Variants in ZFR observed in about 807,000 individuals in gnomAD.
ZFR encodes the protein zinc finger RNA binding protein, also known as zinc finger RNA-binding protein.
ZFR carries 19 observed loss-of-function variants against 130.7 expected under a neutral mutation model. The ratio of observed to expected loss-of-function variants is 0.15; its 90% CI spans 0.10 to 0.21. The LOEUF (loss-of-function observed/expected upper bound fraction) is 0.21, where lower values mean the gene tolerates loss of function less well. Among genes scored for constraint, ZFR ranks in the 10% least tolerant of loss-of-function variants. ZFR has a pLI of 1.00. For missense variants in ZFR, 872 were observed against 1,321.5 expected (o/e 0.66, Z 5.27); for synonymous variants, 466 against 456.9 (o/e 1.02, Z -0.25).
At chr5:32,424,519 C>T (rs1197085899) in intron 2 of ZFR, among the ~76,000 whole-genome samples, 4 of 139,018 alleles carry the variant, frequency 2.9e-5, no homozygotes, top group Non-Finnish European at 6.1e-5. Context: ...GGTGAAAGAG[C>T]GAGACTCCGT....
At chr5:32,429,415 T>C (rs1754153312) in intron 2 of ZFR, among the ~76,000 whole-genome samples, 1 of 152,062 alleles carries the variant, frequency 6.6e-6, no homozygotes, top group Non-Finnish European at 1.5e-5. Context: ...CTGTCTCCAC[T>C]AAAAAATACA....
chr5:32,364,432 C>T, intron 17 of ZFR, 157 bp from the exon 18 acceptor site: 1 of 477,872 alleles, frequency 2.1e-6, no homozygotes, highest in South Asian at 3.6e-5. Context: ...AATATAAAAA[C>T]ATTCAAAATT....
chr5:32,444,480 C>T, intron 1 of ZFR, 142 bp downstream of exon 1: 3 of 1,285,654 alleles, frequency 2.3e-6, no homozygotes, highest in Non-Finnish European at 3.1e-6. Flanking sequence ...CCCCCTCCCG[C>T]CTCGCACTCC....
chr5:32,400,531 GA>G (rs749781556), intron 8 of ZFR, among the ~76,000 whole-genome samples: 2 of 152,186 alleles, frequency 1.3e-5, no homozygotes, highest in Non-Finnish European at 2.9e-5. Context: ...TGACTGAAAT[GA>G]GTAGTATTTG....
chr5:32,358,911 T>C (rs1362275497), intron 19 of ZFR, among the ~76,000 whole-genome samples: 1 of 152,114 alleles, frequency 6.6e-6, no homozygotes, highest in Non-Finnish European at 1.5e-5. Context: ...TTATTAAAAT[T>C]TATTAAAATC....
At chr5:32,364,340 A>C (rs1752494685) in intron 17 of ZFR, 65 bp from the exon 18 acceptor site, 2 of 1,352,788 alleles carry the variant, frequency 1.5e-6, no homozygotes. Context: ...TTCAAACTAA[A>C]ATTTTAAAGA....
intron 17 of ZFR, among the ~76,000 whole-genome samples, chr5:32,372,250 T>C (rs1323745239): frequency 6.6e-6 from 1 of 152,360 alleles, no homozygotes; most frequent in South Asian, 2.1e-4. Context: ...GACATCTTTG[T>C]ACTTGTGTGG....
At chr5:32,404,980 C>T (rs187948997) in intron 6 of ZFR, among the ~76,000 whole-genome samples, 3 of 152,272 alleles carry the variant, frequency 2.0e-5, no homozygotes, top group African/African-American at 7.2e-5. Context: ...CCATGCGTAG[C>T]TCATTTTTCA....
chr5:32,384,235 G>A (rs1752989203), intron 15 of ZFR, among the ~76,000 whole-genome samples: 1 of 144,834 alleles, frequency 6.9e-6, no homozygotes, highest in Non-Finnish European at 1.5e-5. Context: ...TGCTGTATAT[G>A]ACCTGACCAG....
intron 17 of ZFR, among the ~76,000 whole-genome samples, chr5:32,374,952 AG>A (rs2111693313): frequency 6.6e-6 from 1 of 152,348 alleles, no homozygotes; most frequent in Non-Finnish European, 1.5e-5. Context: ...GTTTAAACAA[AG>A]AAAAGCTTCC....
chr5:32,394,751 A>G (rs1753261962), intron 11 of ZFR, among the ~76,000 whole-genome samples: 1 of 152,108 alleles, frequency 6.6e-6, no homozygotes, highest in Non-Finnish European at 1.5e-5. Context: ...AAATATTTGA[A>G]ATATGTTTTC....
chr5:32,416,228 T>C (rs1753823110), intron 4 of ZFR, among the ~76,000 whole-genome samples: 1 of 152,236 alleles, frequency 6.6e-6, no homozygotes, highest in African/African-American at 2.4e-5. Context: ...AATCAAGATC[T>C]TCTCTTAGAT....
rs565755424 is a variant in ZFR, at chr5:32,364,404, AAAAT to A, written c.2836-133_2836-130del. 292 of 585,474 alleles carry A rather than the reference AAAAT, an allele frequency of 5.0e-4. 1 individual carries two copies. The African/African-American group carries it at 5.2e-3, about 10-fold the overall frequency. The allele number at this position is 585,474 out of a possible 1,614,324, so 36.3% of individuals were successfully genotyped here. On this transcript the variant is annotated intron_variant, in intron 17 of 19. Transcript: ENST00000265069. The stretch of plus-strand genomic sequence containing the variant: ...TACATAGAACAAGTCACAAAAACAG[AAAAT>A]AAATATTACATATAATATAAAAACA...
intron 11 of ZFR, among the ~76,000 whole-genome samples, chr5:32,392,296 T>G (rs554862754): frequency 6.6e-6 from 1 of 152,200 alleles, no homozygotes; most frequent in African/African-American, 2.4e-5. Context: ...TAGTTGGTAT[T>G]ATCAGTGAAA....
In ZFR at chr5:32,409,301, G is replaced by A. The variant is rs546567615; in HGVS notation, c.785-2280C>T. ...AATCCACAGCTTTCAAATTTAAAACGTTCTCTTAAATACATTAAATTATCT... is the reference window on the plus strand; with the variant it reads ...AATCCACAGCTTTCAAATTTAAAACATTCTCTTAAATACATTAAATTATCT... On this transcript the variant is annotated intron_variant, in intron 5 of 19. Transcript: ENST00000265069. Among the ~76,000 whole-genome samples, 9 of 152,116 alleles carry A rather than the reference G, an allele frequency of 5.9e-5. No individual in the cohort carries two copies. The South Asian group carries it at 6.2e-4, about 11-fold the overall frequency.
At chr5:32,367,626 C>T (rs1752576225) in intron 17 of ZFR, among the ~76,000 whole-genome samples, 1 of 152,074 alleles carries the variant, frequency 6.6e-6, no homozygotes, top group African/African-American at 2.4e-5. Context: ...GTTGCCTGAG[C>T]TGGTCTTGAA....
At chr5:32,438,993 C>T (rs1754401081) in intron 2 of ZFR, among the ~76,000 whole-genome samples, 1 of 152,132 alleles carries the variant, frequency 6.6e-6, no homozygotes, top group South Asian at 2.1e-4. Context: ...AAGTTATGTC[C>T]TTTTGTTCAT....
intron 17 of ZFR, among the ~76,000 whole-genome samples, chr5:32,377,293 C>A (rs993601983): frequency 6.6e-6 from 1 of 150,754 alleles, no homozygotes; most frequent in African/African-American, 2.4e-5. Flanking sequence ...AGTGCAGTGG[C>A]GTGATCTCGG....
intron 2 of ZFR, among the ~76,000 whole-genome samples, chr5:32,428,101 T>G (rs150705169): frequency 7.9e-5 from 12 of 152,282 alleles, no homozygotes; most frequent in African/African-American, 2.9e-4. Context: ...GGCAAAAAAT[T>G]AGACAAATGA....
Sources: gnomAD v4.1 joint callset for allele counts (sites outside exome capture counted in the v4.1 genomes callset) on GRCh38, gnomAD v4.1.1 for gene constraint, MANE v1.5 for transcripts, NCBI Gene and HGNC (gene_info 2026-07-23, HGNC 2026-07-21) for gene names.